The following CHRM3 variants were observed in gnomAD, a reference collection of about 807,000 sequenced individuals.
CHRM3 encodes the protein cholinergic receptor muscarinic 3.
CHRM3 carries 11 observed loss-of-function variants against 41.8 expected under a neutral mutation model. The ratio of observed to expected loss-of-function variants is 0.26; its 90% CI spans 0.17 to 0.44. The LOEUF (loss-of-function observed/expected upper bound fraction) is 0.44, where lower values mean the gene tolerates loss of function less well. Among genes scored for constraint, CHRM3 ranks in the 20% least tolerant of loss-of-function variants. CHRM3 has a pLI of 1.00. For missense variants in CHRM3, 571 were observed against 745.4 expected (o/e 0.77, Z 2.72); for synonymous variants, 297 against 301.4 (o/e 0.99, Z 0.15).
intron 1 of CHRM3, among the ~76,000 whole-genome samples, chr1:239,423,085 G>A (rs193096806): frequency 2.0e-5 from 3 of 152,198 alleles, no homozygotes; most frequent in East Asian, 1.9e-4. Flanking sequence ...CACTGTCACA[G>A]GGCTGTAGCC....
Position 239,774,399 on chromosome 1 carries a change from C to T in CHRM3, c.-146-52853C>T, listed in dbSNP as rs115563899. Reference sequence around the variant, plus strand: ...GTGGGTACTCAGAACAATAGGAGTTCCTGTGCTTGCTTAGTCATGAAAGCC... The same window carrying T: ...GTGGGTACTCAGAACAATAGGAGTTTCTGTGCTTGCTTAGTCATGAAAGCC... On this transcript the variant is annotated intron_variant, in intron 5 of 6. Transcript: ENST00000676153. Among the ~76,000 whole-genome samples the T allele has an allele frequency of 6.5e-3, 995 of 152,126 alleles. 7 individuals are homozygous for T. Among genetic ancestry groups the T allele is most frequent in the Admixed American group, 0.015 (230 of 15,278 alleles).
intron 5 of CHRM3, among the ~76,000 whole-genome samples, chr1:239,811,309 C>T (rs1349334568): frequency 7.9e-5 from 12 of 152,308 alleles, no homozygotes; most frequent in South Asian, 6.2e-4. Flanking sequence ...ACATGCTAAC[C>T]GCAAGACCCA....
At chr1:239,709,100 A>G (rs1201606669) in intron 5 of CHRM3, among the ~76,000 whole-genome samples, 1 of 152,026 alleles carries the variant, frequency 6.6e-6, no homozygotes, top group Non-Finnish European at 1.5e-5. Context: ...ATTTATTTGC[A>G]TATGTTTAAA....
chr1:239,527,385 G>A (rs959916692), intron 2 of CHRM3, among the ~76,000 whole-genome samples: 3 of 152,108 alleles, frequency 2.0e-5, no homozygotes, highest in Admixed American at 2.0e-4. Context: ...AAATAATTGA[G>A]GCCCTTACAA....
rs1680457158 is a variant in CHRM3 at position 239,913,169 on chromosome 1, A to T, written c.*3945A>T. The T allele has an allele frequency of 6.0e-6, 1 of 167,198 alleles. No individual in the cohort carries two copies. The highest frequency in any genetic ancestry group is 2.1e-4 in the South Asian group (1 of 4,822). 10.4% of individuals were successfully genotyped at this position (167,198 alleles called of 1,614,324 possible). A position where few individuals can be genotyped will look rare whatever the true frequency, so the allele number is the denominator to read the frequency against. ...CTTGAAATTTGGAAGGTAACCAAGG[A>T]AGCTTTGAAATTTGTTGGCAAACCC... On this transcript the variant is annotated 3_prime_UTR_variant, in exon 7 of 7. Transcript: ENST00000676153.
At chr1:239,403,610 G>A (rs1572172667) in intron 1 of CHRM3, among the ~76,000 whole-genome samples, 1 of 151,932 alleles carries the variant, frequency 6.6e-6, no homozygotes, top group Non-Finnish European at 1.5e-5. Flanking sequence ...TGGAAATTAT[G>A]GTTCCTTTCA....
chr1:239,812,010 T>C (rs2148986875), intron 5 of CHRM3, among the ~76,000 whole-genome samples: 1 of 152,320 alleles, frequency 6.6e-6, no homozygotes. Flanking sequence ...ATTTGTTTAA[T>C]AAAAAAGTCT....
At chr1:239,708,192 C>T (rs1661373978) in intron 5 of CHRM3, among the ~76,000 whole-genome samples, 1 of 152,174 alleles carries the variant, frequency 6.6e-6, no homozygotes, top group South Asian at 2.1e-4. Context: ...TAGCAACAAG[C>T]TTGTGGTGGT....
intron 6 of CHRM3, among the ~76,000 whole-genome samples, chr1:239,874,853 C>T (rs1676984433): frequency 6.6e-6 from 1 of 151,946 alleles, no homozygotes; most frequent in Non-Finnish European, 1.5e-5. Flanking sequence ...CATGCACGAC[C>T]ACGCCGGGCT....
chr1:239,809,879 T>TA (rs1670982076), intron 5 of CHRM3, among the ~76,000 whole-genome samples: 1 of 152,120 alleles, frequency 6.6e-6, no homozygotes, highest in African/African-American at 2.4e-5. Context: ...TATGAAAAGA[T>TA]AAGAAAGCCA....
intron 5 of CHRM3, among the ~76,000 whole-genome samples, chr1:239,812,567 A>G (rs967078570): frequency 6.6e-6 from 1 of 152,206 alleles, no homozygotes; most frequent in African/African-American, 2.4e-5. Context: ...GATTTTATTT[A>G]AAGTGATTTT....
intron 6 of CHRM3, among the ~76,000 whole-genome samples, chr1:239,839,998 T>A (rs868365029): frequency 2.0e-5 from 3 of 152,188 alleles, no homozygotes; most frequent in Admixed American, 2.0e-4. Flanking sequence ...CAATTTTTTA[T>A]TAATTAATTA....
chr1:239,448,919 T>C (rs1664361516), intron 1 of CHRM3, among the ~76,000 whole-genome samples: 1 of 152,174 alleles, frequency 6.6e-6, no homozygotes, highest in African/African-American at 2.4e-5. Context: ...ACTTTTCTAG[T>C]TTTAGAATAC....
chr1:239,661,547 AG>A (rs1673190108), intron 4 of CHRM3, among the ~76,000 whole-genome samples: 1 of 152,324 alleles, frequency 6.6e-6, no homozygotes, highest in South Asian at 2.1e-4. Context: ...ACTAAGTAAA[AG>A]GAGCCAGGCT....
At chr1:239,774,953 A>G (rs112156979) in intron 5 of CHRM3, among the ~76,000 whole-genome samples, 206 of 152,324 alleles carry the variant, frequency 1.4e-3, no homozygotes, top group African/African-American at 4.5e-3. Flanking sequence ...TCTCCTTGCC[A>G]TAGGAGAGTG....
intron 5 of CHRM3, among the ~76,000 whole-genome samples, chr1:239,700,560 A>G (rs1660589752): frequency 6.6e-6 from 1 of 152,124 alleles, no homozygotes; most frequent in Non-Finnish European, 1.5e-5. Flanking sequence ...CTATCAAACA[A>G]GCCTTTTCCT....
At position 239,911,858 on chromosome 1, in the gene CHRM3, T is replaced by C. The variant is rs1222400628; in HGVS notation, c.*2634T>C. Reference sequence around the variant, plus strand: ...TTTCAGAGAAAGAAAACAAGCAAAATAGGTTCTTTTGAATATGAATAATTT... The same window carrying C: ...TTTCAGAGAAAGAAAACAAGCAAAACAGGTTCTTTTGAATATGAATAATTT... On this transcript the variant is annotated 3_prime_UTR_variant, in exon 7 of 7. Coordinates refer to ENST00000676153, the MANE Select transcript of CHRM3 (RefSeq NM_001375978.1). The C allele has an allele frequency of 6.0e-6, 1 of 166,964 alleles. No homozygotes were observed. Among genetic ancestry groups the C allele is most frequent in the Non-Finnish European group, 1.5e-5 (1 of 68,118 alleles). The allele number at this position is 166,964 out of a possible 1,614,324, so 10.3% of individuals were successfully genotyped here.
intron 5 of CHRM3, among the ~76,000 whole-genome samples, chr1:239,726,055 CA>C (rs1365847783): frequency 1.3e-5 from 2 of 151,934 alleles, no homozygotes; most frequent in African/African-American, 4.8e-5. Context: ...TATTGGAACA[CA>C]GCCATGCACG....
At chr1:239,425,519 TG>T (rs1388940081) in intron 1 of CHRM3, among the ~76,000 whole-genome samples, 1 of 152,182 alleles carries the variant, frequency 6.6e-6, no homozygotes, top group Admixed American at 6.5e-5. Flanking sequence ...TTTCCCCATT[TG>T]AAACGGCACA....
Sources: allele counts gnomAD v4.1 joint callset (sites outside exome capture counted in the v4.1 genomes callset), GRCh38; gene constraint gnomAD v4.1.1; transcripts MANE v1.5; gene names NCBI Gene and HGNC (gene_info 2026-07-23, HGNC 2026-07-21).